NBAS: variants seen among roughly 807,000 people sequenced by gnomAD.
NBAS encodes NBAS subunit of NRZ tethering complex.
NBAS carries 219 observed loss-of-function variants against 302.5 expected under a neutral mutation model. That is an observed-to-expected ratio of 0.72 (90% CI 0.65 to 0.81). NBAS has a LOEUF of 0.81. Among genes scored for constraint, NBAS ranks in the 30% least tolerant of loss-of-function variants. The pLI is 0.00. For missense variants in NBAS, 2,932 were observed against 2,841.6 expected (o/e 1.03, Z -0.72); for synonymous variants, 1,118 against 1,021.6 (o/e 1.09, Z -1.80).
chr2:15,279,070 A>C (rs548714392), intron 42 of NBAS, among the ~76,000 whole-genome samples: 27 of 152,336 alleles, frequency 1.8e-4, no homozygotes, highest in South Asian at 2.1e-4. Flanking sequence ...ATGTTCCTTC[A>C]TAATTTGCAA....
intron 27 of NBAS, 27 bp from the exon 28 acceptor site, chr2:15,394,376 T>G (rs370773012): frequency 5.6e-6 from 9 of 1,610,556 alleles, no homozygotes; most frequent in African/African-American, 1.3e-5. Flanking sequence ...AATTATTTAA[T>G]GTCTTGCTAC....
At chr2:15,264,225 T>C (rs1041216164) in intron 44 of NBAS, among the ~76,000 whole-genome samples, 3 of 152,186 alleles carry the variant, frequency 2.0e-5, no homozygotes, top group Admixed American at 1.3e-4. Flanking sequence ...GCTTTTATCG[T>C]GTTAAAATAT....
the NBAS span, among the ~76,000 whole-genome samples, chr2:15,027,878 C>A: frequency 1.1e-4 from 16 of 152,172 alleles, no homozygotes; most frequent in African/African-American, 3.9e-4. Flanking sequence ...CATGCCTTAG[C>A]CTTTGTTACT....
the NBAS span, among the ~76,000 whole-genome samples, chr2:14,982,705 T>C: frequency 6.6e-6 from 1 of 151,804 alleles, no homozygotes; most frequent in African/African-American, 2.4e-5. Flanking sequence ...ATCATGAAAA[T>C]GAAAAACAAG....
chr2:15,065,482 C>A, the NBAS span, among the ~76,000 whole-genome samples: 1 of 151,948 alleles, frequency 6.6e-6, no homozygotes, highest in African/African-American at 2.4e-5. Flanking sequence ...ATGACATGAC[C>A]TTATAGTAGA....
the NBAS span, among the ~76,000 whole-genome samples, chr2:15,161,777 T>G: frequency 4.6e-5 from 7 of 152,302 alleles, no homozygotes; most frequent in Admixed American, 4.6e-4. Flanking sequence ...AAGTGGTTGC[T>G]GTCCTCCCAG....
At chr2:15,497,102 C>A (rs1436350116) in intron 11 of NBAS, among the ~76,000 whole-genome samples, 1 of 152,002 alleles carries the variant, frequency 6.6e-6, no homozygotes, top group Non-Finnish European at 1.5e-5. Flanking sequence ...GAGATAAGGC[C>A]AACATAACTA....
chr2:15,050,619 C>G, the NBAS span, among the ~76,000 whole-genome samples: 1 of 152,208 alleles, frequency 6.6e-6, no homozygotes, highest in Non-Finnish European at 1.5e-5. Flanking sequence ...TCAGCAGCAT[C>G]TTAGGGAGCA....
chr2:15,351,128 A>G (rs1451699728), intron 35 of NBAS, among the ~76,000 whole-genome samples: 2 of 152,218 alleles, frequency 1.3e-5, no homozygotes, highest in Non-Finnish European at 2.9e-5. Flanking sequence ...ATGCACACCG[A>G]AATTGATTTC....
rs138322590 is a variant in NBAS, at chr2:15,467,662, A to G, written c.2018+2T>C. ...TCAAATGAACAGTAACAACTCATTT[A>G]CTTGGAAAAGTTCACTAATTTCAGT... is the stretch of plus-strand genomic sequence containing the variant. On this transcript the variant is annotated splice_donor_variant, in intron 18 of 51. Coordinates refer to ENST00000281513, the MANE Select transcript of NBAS (RefSeq NM_015909.4). LOFTEE classifies it high-confidence loss of function. 4 of 1,611,372 alleles carry G rather than the reference A, an allele frequency of 2.5e-6. No individual in the cohort carries two copies. The African/African-American group carries it at 4.0e-5, about 16-fold the overall frequency.
intron 48 of NBAS, among the ~76,000 whole-genome samples, chr2:15,197,806 C>T (rs1399979874): frequency 1.3e-5 from 2 of 152,208 alleles, no homozygotes; most frequent in Admixed American, 6.5e-5. Flanking sequence ...TGTTCCTCTG[C>T]CTACATTTGA....
intron 35 of NBAS, among the ~76,000 whole-genome samples, chr2:15,349,437 T>C (rs1262047449): frequency 2.0e-5 from 3 of 152,110 alleles, no homozygotes; most frequent in Admixed American, 6.6e-5. Context: ...AATCAAAACA[T>C]GCCAAAGGAC....
At chr2:14,813,788 G>A in the NBAS span, among the ~76,000 whole-genome samples, 1 of 152,182 alleles carries the variant, frequency 6.6e-6, no homozygotes, top group African/African-American at 2.4e-5. Context: ...GTAAAGGGGA[G>A]CCAAATATCA....
At chr2:15,549,562 T>TA (rs956673508) in intron 6 of NBAS, among the ~76,000 whole-genome samples, 19 of 151,114 alleles carry the variant, frequency 1.3e-4, no homozygotes, top group Non-Finnish European at 2.1e-4. Flanking sequence ...CCTGTATCTG[T>TA]AAAAAACACA....
chr2:14,816,578 T>C, the NBAS span, among the ~76,000 whole-genome samples: 2 of 152,218 alleles, frequency 1.3e-5, no homozygotes, highest in African/African-American at 4.8e-5. Flanking sequence ...AAAAACTTGA[T>C]ACTGGTCCAG....
At chr2:15,106,337 G>T in the NBAS span, among the ~76,000 whole-genome samples, 1 of 152,058 alleles carries the variant, frequency 6.6e-6, no homozygotes, top group East Asian at 1.9e-4. Context: ...AACACTTAGA[G>T]GATGAGACAT....
chr2:14,958,172 T>C, the NBAS span, among the ~76,000 whole-genome samples: 1 of 152,204 alleles, frequency 6.6e-6, no homozygotes, highest in Admixed American at 6.5e-5. Context: ...CCCATTTAAT[T>C]GAAATTAACA....
intron 21 of NBAS, among the ~76,000 whole-genome samples, chr2:15,439,183 G>A (rs917702228): frequency 5.3e-5 from 8 of 151,634 alleles, no homozygotes; most frequent in African/African-American, 1.7e-4. Context: ...GGCACCTGCA[G>A]TCCCAGCTAC....
the NBAS span, among the ~76,000 whole-genome samples, chr2:15,116,396 C>T: frequency 2.7e-5 from 4 of 147,204 alleles, no homozygotes; most frequent in East Asian, 7.9e-4. Context: ...CTTCTCACTG[C>T]ATCCCCACAT....
Sources: gnomAD v4.1 joint callset for allele counts (sites outside exome capture counted in the v4.1 genomes callset) on GRCh38, gnomAD v4.1.1 for gene constraint, MANE v1.5 for transcripts, NCBI Gene and HGNC (gene_info 2026-07-23, HGNC 2026-07-21) for gene names.